Variants in KIF2A observed in about 807,000 individuals in gnomAD.
The protein encoded by KIF2A is kinesin family member 2A.
KIF2A carries 22 observed loss-of-function variants against 100.2 expected under a neutral mutation model. That is an observed-to-expected ratio of 0.22 (90% CI 0.16 to 0.31). The LOEUF (loss-of-function observed/expected upper bound fraction) is 0.31. Among genes scored for constraint, KIF2A ranks in the 10% least tolerant of loss-of-function variants. The probability of loss-of-function intolerance (pLI) is 1.00; values close to 1 mark genes in which losing one functional copy is unlikely to be tolerated. For synonymous variants in KIF2A, 268 were observed against 285.9 expected (o/e 0.94, Z 0.63); for missense variants, 495 against 898.7 (o/e 0.55, Z 5.74).
intron 8 of KIF2A, 40 bp from the exon 9 acceptor site, chr5:62,358,097 G>C: frequency 7.0e-7 from 1 of 1,421,446 alleles, no homozygotes; most frequent in Non-Finnish European, 9.4e-7. Context: ...CTCAAATGCT[G>C]TGAAAATTAT....
chr5:62,347,538 CAA>C (rs1747634262), intron 2 of KIF2A, among the ~76,000 whole-genome samples: 1 of 152,014 alleles, frequency 6.6e-6, no homozygotes, highest in Non-Finnish European at 1.5e-5. Context: ...TTCATAGAGT[CAA>C]GACTATAAAA....
rs147858584 is a variant in KIF2A at position 62,379,581 on chromosome 5, G to T, written c.2014-1537G>T. On this transcript the variant is annotated intron_variant, in intron 19 of 20. Coordinates refer to ENST00000407818, the MANE Select transcript of KIF2A (RefSeq NM_001098511.3). ...GGAGGCTGAGGCAGGAGAATTGCTTGAACCCAGCAGGCGGAGGTTGCAGTG... is the reference window on the plus strand; with the variant it reads ...GGAGGCTGAGGCAGGAGAATTGCTTTAACCCAGCAGGCGGAGGTTGCAGTG... 3.6e-3 allele frequency among the ~76,000 whole-genome samples: 549 copies of T among 151,370 alleles called. 2 individuals are homozygous for T. Among genetic ancestry groups the T allele is most frequent in the African/African-American group, 0.013 (535 of 41,206 alleles).
intron 1 of KIF2A, among the ~76,000 whole-genome samples, chr5:62,307,421 T>A (rs1745363722): frequency 6.6e-6 from 1 of 152,112 alleles, no homozygotes; most frequent in African/African-American, 2.4e-5. Context: ...TCTAGGTTTC[T>A]CTTGGGGAAA....
rs1240459663 is a variant in KIF2A at position 62,358,255 on chromosome 5, T to C, written c.828T>C (p.Phe276=). 1 of 1,601,664 alleles carries C rather than the reference T, an allele frequency of 6.2e-7. No individual in the cohort carries two copies. Among genetic ancestry groups the C allele is most frequent in the South Asian group, 1.1e-5 (1 of 88,448 alleles). The change falls in exon 9 of 21, where the codon TTT becomes TTC. Residue 276 remains phenylalanine (F), a synonymous_variant. Coordinates refer to ENST00000407818, the MANE Select transcript of KIF2A (RefSeq NM_001098511.3). ...TRYLENQTFR[F]DYAFDDSAPN... is the part of the protein sequence containing the mutation. ...ACCTAGAAAACCAAACATTTCGTTT[T>C]GATTATGCCTTTGATGACTCAGCTC...
intron 5 of KIF2A, 188 bp from the exon 6 acceptor site, chr5:62,353,087 A>G (rs553598123): frequency 6.7e-5 from 32 of 478,108 alleles, no homozygotes; most frequent in African/African-American, 5.5e-4. Context: ...CTGGACTCTC[A>G]TCTGTACATT....
chr5:62,324,909 GAC>G (rs1746287431), intron 1 of KIF2A, among the ~76,000 whole-genome samples: 1 of 152,156 alleles, frequency 6.6e-6, no homozygotes, highest in African/African-American at 2.4e-5. Context: ...AGAGTAAACA[GAC>G]AACCTACAGA....
At chr5:62,308,591 C>T in intron 1 of KIF2A, 1 of 700,826 alleles carries the variant, frequency 1.4e-6, no homozygotes, top group Non-Finnish European at 2.6e-6. Flanking sequence ...GAACATTATT[C>T]AGCCTTAAAA....
chr5:62,312,917 C>T (rs896928756), intron 1 of KIF2A, among the ~76,000 whole-genome samples: 16 of 152,096 alleles, frequency 1.1e-4, no homozygotes, highest in Admixed American at 3.3e-4. Flanking sequence ...CAATAAAACA[C>T]GAAGTTCAGA....
Position 62,306,291 on chromosome 5 carries a change from C to G in KIF2A, c.-182C>G. ...GCGTCCTCCTGCCGGCCTGCAGGCC[C>G]GGGGCCTCCGCCTGCTTCCCCACAG... On this transcript the variant is annotated 5_prime_UTR_variant, in exon 1 of 21. Transcript: ENST00000407818. 1.8e-6 allele frequency: 1 copy of G among 568,288 alleles called. No individual in the cohort carries two copies. Among genetic ancestry groups the G allele is most frequent in the Non-Finnish European group, 3.1e-6 (1 of 321,696 alleles). The allele number at this position is 568,288 out of a possible 1,614,324, so 35.2% of individuals were successfully genotyped here.
At chr5:62,337,274 C>T (rs1468188118) in intron 1 of KIF2A, among the ~76,000 whole-genome samples, 3 of 151,864 alleles carry the variant, frequency 2.0e-5, no homozygotes, top group African/African-American at 7.3e-5. Context: ...GGCGGATCAC[C>T]TGAGGTCAGG....
chr5:62,356,017 G>T (rs368591649), intron 7 of KIF2A, among the ~76,000 whole-genome samples: 1 of 151,924 alleles, frequency 6.6e-6, no homozygotes, highest in Non-Finnish European at 1.5e-5. Context: ...CTGACCTCAG[G>T]TGATCCACCC....
chr5:62,319,558 G>A (rs1010544682), intron 1 of KIF2A, among the ~76,000 whole-genome samples: 1 of 152,138 alleles, frequency 6.6e-6, no homozygotes, highest in African/African-American at 2.4e-5. Flanking sequence ...TCATTGTATT[G>A]TATTATATGT....
chr5:62,322,934 T>A (rs375553888), intron 1 of KIF2A, among the ~76,000 whole-genome samples: 11 of 98,006 alleles, frequency 1.1e-4, no homozygotes, highest in Non-Finnish European at 1.6e-4. Context: ...TTCAATTTAG[T>A]AAAAAAAAAA....
At chr5:62,359,579 T>G (rs1293117909) in intron 9 of KIF2A, among the ~76,000 whole-genome samples, 1 of 152,000 alleles carries the variant, frequency 6.6e-6, no homozygotes, top group Non-Finnish European at 1.5e-5. Context: ...TTCTGAAGAG[T>G]CCACTTTTCC....
intron 1 of KIF2A, among the ~76,000 whole-genome samples, chr5:62,321,694 C>G (rs997424337): frequency 6.6e-6 from 1 of 151,908 alleles, no homozygotes; most frequent in South Asian, 2.1e-4. Context: ...TCCCAAGTAG[C>G]TGGGACTACA....
In KIF2A at chr5:62,314,463, C is replaced by G. The variant is rs187000342; in HGVS notation, c.64+7927C>G. 1.6e-3 allele frequency among the ~76,000 whole-genome samples: 242 copies of G among 152,104 alleles called. 1 individual carries two copies. The highest frequency in any genetic ancestry group is 5.6e-3 in the African/African-American group (232 of 41,488). ...TGGGTGACAGAACAAGTCACTGTCTCAAAACAAACAAACAGAGACCAAGGA... is the reference window on the plus strand; with the variant it reads ...TGGGTGACAGAACAAGTCACTGTCTGAAAACAAACAAACAGAGACCAAGGA... On this transcript the variant is annotated intron_variant, in intron 1 of 20. Transcript: ENST00000407818.
At chr5:62,383,785 C>T (rs153867) in intron 20 of KIF2A, among the ~76,000 whole-genome samples, 4,587 of 152,206 alleles carry the variant, frequency 0.03, 100 homozygotes, top group Non-Finnish European at 0.046. Context: ...TCCTAATGCA[C>T]TCTGGTATTT....
chr5:62,347,339 C>T (rs1037708265), intron 2 of KIF2A, 115 bp downstream of exon 2: 7 of 616,962 alleles, frequency 1.1e-5, no homozygotes, highest in African/African-American at 1.9e-5. Flanking sequence ...TTTATTATTC[C>T]TTGAAAACTT....
rs1745286960 is a variant in KIF2A, at chr5:62,306,549, G to GC, written c.64+15dup. ...AAGCGCAGCGATGGTGAGCCGCGCT[G>GC]CCAGCCCCGCTGGCCCGCTCGGCCC... On this transcript the variant is annotated intron_variant, in intron 1 of 20. Coordinates refer to ENST00000407818, the MANE Select transcript of KIF2A (RefSeq NM_001098511.3). 1.3e-6 allele frequency: 2 copies of GC among 1,543,594 alleles called. No homozygotes were observed. The highest frequency in any genetic ancestry group is 1.7e-6 in the Non-Finnish European group (2 of 1,143,282).
Sources: gnomAD v4.1 joint callset for allele counts (sites outside exome capture counted in the v4.1 genomes callset) on GRCh38, gnomAD v4.1.1 for gene constraint, MANE v1.5 for transcripts, NCBI Gene and HGNC (gene_info 2026-07-23, HGNC 2026-07-21) for gene names.